Variants in FHIT observed in about 807,000 individuals in gnomAD.
FHIT encodes the protein fragile histidine triad diadenosine triphosphatase.
FHIT carries 19 observed loss-of-function variants against 17.9 expected under a neutral mutation model. That is an observed-to-expected ratio of 1.06 (90% CI 0.74 to 1.56). FHIT has a LOEUF of 1.56. Ranked by LOEUF, FHIT falls within the 40% of genes most tolerant of loss-of-function variation. FHIT has a pLI of 0.00. For missense variants in FHIT, 248 were observed against 189.2 expected, an observed-to-expected ratio of 1.31 and a Z score of -1.82; for synonymous variants, 81 against 69.7, an observed-to-expected ratio of 1.16 and a Z score of -0.81.
At chr3:60,557,569 G>T (rs116509659) in intron 4 of FHIT, among the ~76,000 whole-genome samples, 138 of 151,526 alleles carry the variant, frequency 9.1e-4, no homozygotes, top group Middle Eastern at 6.8e-3. Flanking sequence ...ACAGGCCAAG[G>T]GTGTACCCAG....
intron 5 of FHIT, among the ~76,000 whole-genome samples, chr3:60,021,312 G>T (rs1700546144): frequency 6.6e-6 from 1 of 152,170 alleles, no homozygotes; most frequent in South Asian, 2.1e-4. Context: ...CTCCGGTACC[G>T]ATCTGGATGC....
intron 5 of FHIT, among the ~76,000 whole-genome samples, chr3:60,095,238 T>C (rs928424761): frequency 4.6e-5 from 7 of 152,220 alleles, no homozygotes; most frequent in African/African-American, 7.2e-5. Context: ...GGATTCTAGA[T>C]AGCTTTGAAA....
chr3:60,448,925 C>T (rs1217382145), intron 5 of FHIT, among the ~76,000 whole-genome samples: 3 of 152,106 alleles, frequency 2.0e-5, no homozygotes, highest in Non-Finnish European at 4.4e-5. Flanking sequence ...TCCTATGGGG[C>T]TAAGAAGCCT....
intron 5 of FHIT, among the ~76,000 whole-genome samples, chr3:60,391,152 C>A (rs1279133060): frequency 3.3e-5 from 5 of 152,176 alleles, no homozygotes; most frequent in African/African-American, 1.2e-4. Flanking sequence ...CACACCACTG[C>A]ACTCCAGCCT....
intron 5 of FHIT, chr3:60,535,789 T>C (rs1032263440): frequency 6.8e-6 from 1 of 147,952 alleles, no homozygotes; most frequent in Non-Finnish European, 1.5e-5. Context: ...TATCTTTTGG[T>C]ACATGTTTTT....
In FHIT at chr3:60,173,915, A is replaced by ATATATATATATATTTTTTTTT; in HGVS notation, c.104-159764_104-159763insAAAAAAAAATATATATATATA. Among the ~76,000 whole-genome samples, 216 of 66,344 alleles carry ATATATATATATATTTTTTTTT rather than the reference A, an allele frequency of 3.3e-3. 4 individuals carry two copies. Among genetic ancestry groups the ATATATATATATATTTTTTTTT allele is most frequent in the Non-Finnish European group, 5.2e-3 (186 of 36,032 alleles). The allele number at this position is 66,344 out of a possible 152,430, so 43.5% of individuals were successfully genotyped here. ...TATATATATATATATATATATATAT[A>ATATATATATATATTTTTTTTT]TGTTTTTTTTTTTTTTTGAGATCGA... On this transcript the variant is annotated intron_variant, in intron 5 of 9. Transcript: ENST00000492590.
intron 3 of FHIT, among the ~76,000 whole-genome samples, chr3:60,904,387 C>A (rs1706280654): frequency 1.3e-5 from 2 of 148,470 alleles, no homozygotes. Flanking sequence ...AATGTAAAAA[C>A]AAAACAATAC....
chr3:60,873,264 G>A (rs1553755480), intron 3 of FHIT, among the ~76,000 whole-genome samples: 1 of 152,142 alleles, frequency 6.6e-6, no homozygotes, highest in Non-Finnish European at 1.5e-5. Flanking sequence ...TGATTTTACT[G>A]GGAGGAAGAA....
chr3:60,379,088 T>C (rs571039635), intron 5 of FHIT, among the ~76,000 whole-genome samples: 1 of 152,252 alleles, frequency 6.6e-6, no homozygotes, highest in East Asian at 1.9e-4. Context: ...CCAGTGAAAA[T>C]GAGAGCACAT....
At chr3:60,127,217 G>A (rs1320533766) in intron 5 of FHIT, among the ~76,000 whole-genome samples, 2 of 152,096 alleles carry the variant, frequency 1.3e-5, no homozygotes, top group African/African-American at 2.4e-5. Context: ...CCAACCCAGG[G>A]GAGGCTGACA....
chr3:59,884,648 C>G (rs1441077575), intron 8 of FHIT, among the ~76,000 whole-genome samples: 2 of 152,138 alleles, frequency 1.3e-5, no homozygotes, highest in East Asian at 1.9e-4. Flanking sequence ...CAGATGGTGA[C>G]AGATTTGAAA....
chr3:60,710,561 TC>T (rs1363380769), intron 4 of FHIT, among the ~76,000 whole-genome samples: 1 of 152,106 alleles, frequency 6.6e-6, no homozygotes, highest in Non-Finnish European at 1.5e-5. Flanking sequence ...ATCGGGCCCC[TC>T]CCACCTGAAT....
At chr3:60,627,797 T>C (rs527770978) in intron 4 of FHIT, among the ~76,000 whole-genome samples, 2 of 152,310 alleles carry the variant, frequency 1.3e-5, no homozygotes, top group Admixed American at 1.3e-4. Flanking sequence ...GCTGGAATTA[T>C]AGGCGTGAGC....
intron 4 of FHIT, among the ~76,000 whole-genome samples, chr3:60,595,696 T>C (rs2038246948): frequency 6.6e-6 from 1 of 151,938 alleles, no homozygotes; most frequent in African/African-American, 2.4e-5. Context: ...CTGTTGCCAG[T>C]GCCGTCGTGC....
intron 3 of FHIT, among the ~76,000 whole-genome samples, chr3:60,907,662 GA>G (rs1706508100): frequency 6.6e-6 from 1 of 152,044 alleles, no homozygotes; most frequent in Non-Finnish European, 1.5e-5. Context: ...AAATGCAAAT[GA>G]TTTTTTAAAG....
At chr3:60,667,460 T>C (rs956348325) in intron 4 of FHIT, among the ~76,000 whole-genome samples, 24 of 152,312 alleles carry the variant, frequency 1.6e-4, no homozygotes, top group African/African-American at 5.8e-4. Flanking sequence ...AGAATTTTTA[T>C]TCAGTTGTTT....
rs537698464 is a variant in FHIT at position 61,205,609 on chromosome 3, G to A, written c.-212-4944C>T. ...ATTTTTTCATGTGTCTTTTGGCTGC[G>A]TAAATGTCTTCTTTTGAGAAGTGTC... On this transcript the variant is annotated intron_variant, in intron 1 of 9. Transcript: ENST00000492590. Among the ~76,000 whole-genome samples, 865 of 152,218 alleles carry A rather than the reference G, an allele frequency of 5.7e-3. 10 individuals are homozygous for A. The highest frequency in any genetic ancestry group is 0.018 in the African/African-American group (766 of 41,532).
At chr3:60,854,253 A>G (rs1267252925) in intron 3 of FHIT, among the ~76,000 whole-genome samples, 1 of 152,018 alleles carries the variant, frequency 6.6e-6, no homozygotes, top group Non-Finnish European at 1.5e-5. Context: ...CTCTTTCCCT[A>G]ACTTTTCTCA....
intron 4 of FHIT, among the ~76,000 whole-genome samples, chr3:60,715,073 G>A (rs1403236843): frequency 1.3e-5 from 2 of 152,032 alleles, no homozygotes; most frequent in South Asian, 2.1e-4. Context: ...CATGGTACTG[G>A]TACCAAAACA....
Sources: allele counts gnomAD v4.1 joint callset (sites outside exome capture counted in the v4.1 genomes callset), GRCh38; gene constraint gnomAD v4.1.1; transcripts MANE v1.5; gene names NCBI Gene and HGNC (gene_info 2026-07-23, HGNC 2026-07-21).